Variants in BAIAP2 observed in about 807,000 individuals in gnomAD.
BAIAP2 encodes the protein BAR/IMD domain-containing adapter protein 2.
In BAIAP2, 18 loss-of-function variants were observed where a neutral mutation model predicts 63.0. The ratio of observed to expected loss-of-function variants is 0.29; its 90% confidence interval spans 0.20 to 0.42. The LOEUF (loss-of-function observed/expected upper bound fraction) is 0.42. BAIAP2 is among the 10% of genes least tolerant of loss of function. The pLI is 1.00. For missense variants in BAIAP2, 610 were observed against 734.3 expected (o/e 0.83, Z 1.96); for synonymous variants, 386 against 307.6 (o/e 1.25, Z -2.67).
Position 81,070,610 on chromosome 17 carries a change from C to G in BAIAP2, c.217+12643C>G, listed in dbSNP as rs572805857. Among the ~76,000 whole-genome samples, 4 of 152,346 alleles carry G rather than the reference C, an allele frequency of 2.6e-5. No homozygotes were observed. The South Asian group carries it at 8.3e-4, about 32-fold the overall frequency. ...CCCTGGCGTGCCTGTCCCGCTGCAG[C>G]TGTGGGAGCTGGGCTTGGCCAGGTC... On this transcript the variant is annotated intron_variant, in intron 3 of 13. Coordinates refer to ENST00000428708, the MANE Select transcript of BAIAP2 (RefSeq NM_001144888.2).
At chr17:81,058,471 CAG>C (rs1243672116) in intron 3 of BAIAP2, among the ~76,000 whole-genome samples, 1 of 152,232 alleles carries the variant, frequency 6.6e-6, no homozygotes, top group Non-Finnish European at 1.5e-5. Context: ...TCAAGGGACA[CAG>C]GGTGAAACCT....
chr17:81,078,961 C>G (rs757551464), intron 3 of BAIAP2, among the ~76,000 whole-genome samples: 17 of 152,000 alleles, frequency 1.1e-4, no homozygotes, highest in Middle Eastern at 3.2e-3. Context: ...GGGGTAAGAC[C>G]TGGGGGGAGT....
chr17:81,074,646 G>A (rs1041075448), intron 3 of BAIAP2, among the ~76,000 whole-genome samples: 1 of 148,076 alleles, frequency 6.8e-6, no homozygotes, highest in Admixed American at 6.7e-5. Flanking sequence ...GATGCGTTGA[G>A]TGCCTCTGTG....
chr17:81,058,047 G>C (rs976651243), intron 3 of BAIAP2, 80 bp downstream of exon 3: 2 of 1,159,486 alleles, frequency 1.7e-6, no homozygotes, highest in Non-Finnish European at 2.4e-6. Flanking sequence ...GTGTCCAGCC[G>C]CTTTTTGATT....
chr17:81,113,748 A>G (rs1323898938), intron 13 of BAIAP2, among the ~76,000 whole-genome samples: 1 of 152,178 alleles, frequency 6.6e-6, no homozygotes, highest in Non-Finnish European at 1.5e-5. Context: ...GGAGACAAGA[A>G]GAGAAAAATG....
In BAIAP2 at chr17:81,106,385, A is replaced by G. The variant is rs34765353; in HGVS notation, c.1337+239A>G. 7.6e-3 allele frequency among the ~76,000 whole-genome samples: 1,157 copies of G among 152,262 alleles called. 2 individuals are homozygous for G. The highest frequency in any genetic ancestry group is 0.014 in the Middle Eastern group (4 of 294). ...GACACCAGAGCAGGCAGCAGGTGCT[A>G]TGGGGGCAGCTCCTGGGGGCCAGGT... On this transcript the variant is annotated intron_variant, in intron 11 of 13. Transcript: ENST00000428708.
intron 3 of BAIAP2, among the ~76,000 whole-genome samples, chr17:81,072,380 G>A (rs2052844590): frequency 1.3e-5 from 2 of 152,246 alleles, no homozygotes; most frequent in South Asian, 2.1e-4. Flanking sequence ...GTGTCCCTAT[G>A]TCCATGCCTT....
intron 6 of BAIAP2, among the ~76,000 whole-genome samples, chr17:81,091,787 C>G (rs1193241742): frequency 6.6e-6 from 1 of 152,230 alleles, no homozygotes; most frequent in African/African-American, 2.4e-5. Flanking sequence ...GCAGATGCCT[C>G]CCTGCGGTTC....
Position 81,057,981 on chromosome 17 carries a change from C to CCCG in BAIAP2, c.217+16_217+17insGCC. The CCCG allele has an allele frequency of 1.7e-6, 2 of 1,188,098 alleles. No individual in the cohort carries two copies. The highest frequency in any genetic ancestry group is 2.0e-5 in the African/African-American group (1 of 49,388). 73.6% of individuals were successfully genotyped at this position (1,188,098 alleles called of 1,614,324 possible). A position where few individuals can be genotyped will look rare whatever the true frequency, so the allele number is the denominator to read the frequency against. On this transcript the variant is annotated intron_variant, in intron 3 of 13. Transcript: ENST00000428708. ...CCAAAGAACTCGGTGAGACCCCCCC[C>CCCG]CCCCCCCCGCCTGGTAGTCGCCTGA...
chr17:81,109,185 GC>G (rs542277540), intron 13 of BAIAP2: 5 of 1,405,888 alleles, frequency 3.6e-6, no homozygotes, highest in East Asian at 2.7e-5. Context: ...TGCTCCATCC[GC>G]CCCCCCTCCC....
At chr17:81,101,092 C>A (rs1190829244) in intron 7 of BAIAP2, among the ~76,000 whole-genome samples, 1 of 151,894 alleles carries the variant, frequency 6.6e-6, no homozygotes, top group Non-Finnish European at 1.5e-5. Context: ...AGGTGTCCCC[C>A]GGCACAGTCC....
chr17:81,059,201 G>A (rs946063037), intron 3 of BAIAP2, among the ~76,000 whole-genome samples: 1 of 152,258 alleles, frequency 6.6e-6, no homozygotes, highest in African/African-American at 2.4e-5. Flanking sequence ...GTGATGCCCG[G>A]GCGGCTGGAG....
At position 81,116,499 on chromosome 17, in the gene BAIAP2, A is replaced by C; in HGVS notation, c.*660A>C. 1.4e-6 allele frequency: 1 copy of C among 715,408 alleles called. No homozygotes were observed. The highest frequency in any genetic ancestry group is 2.2e-6 in the Non-Finnish European group (1 of 446,140). The allele number at this position is 715,408 out of a possible 1,614,324, so 44.3% of individuals were successfully genotyped here. ...CCTCCTTACCCAACCTCCCATCCAGAACCTTGCTGCCAGGGCCTCCCAGCT... is the reference window on the plus strand; with the variant it reads ...CCTCCTTACCCAACCTCCCATCCAGCACCTTGCTGCCAGGGCCTCCCAGCT... On this transcript the variant is annotated 3_prime_UTR_variant, in exon 14 of 14. Transcript: ENST00000428708.
chr17:81,042,701 A>G (rs2047254104), intron 1 of BAIAP2, among the ~76,000 whole-genome samples: 1 of 151,804 alleles, frequency 6.6e-6, no homozygotes, highest in South Asian at 2.1e-4. Context: ...AAACAGCGAC[A>G]TCTTGACATT....
intron 7 of BAIAP2, 43 bp downstream of exon 7, chr17:81,100,123 C>A (rs1382345064): frequency 6.4e-7 from 1 of 1,574,280 alleles, no homozygotes. Context: ...CTGGGCCTTG[C>A]TGGCAGAAAT....
intron 1 of BAIAP2, chr17:81,053,318 G>A (rs542390805): frequency 5.8e-5 from 15 of 259,432 alleles, no homozygotes; most frequent in African/African-American, 1.6e-4. Context: ...TGACTCAGCC[G>A]CGCCAATGGG....
chr17:81,065,801 C>T (rs2051356579), intron 3 of BAIAP2, among the ~76,000 whole-genome samples: 1 of 152,244 alleles, frequency 6.6e-6, no homozygotes, highest in African/African-American at 2.4e-5. Flanking sequence ...GGCTCTAGCA[C>T]TGTGTGCCAG....
intron 10 of BAIAP2, 134 bp downstream of exon 10, chr17:81,104,849 T>A: frequency 1.0e-6 from 1 of 974,596 alleles, no homozygotes; most frequent in Non-Finnish European, 1.5e-6. Flanking sequence ...GTAGAAGACC[T>A]GGGCAGTGAG....
chr17:81,061,521 A>G (rs2144483865), intron 3 of BAIAP2, among the ~76,000 whole-genome samples: 1 of 152,300 alleles, frequency 6.6e-6, no homozygotes, highest in South Asian at 2.1e-4. Context: ...ATGGAACCAT[A>G]CGGCGTGTCT....
Sources: allele counts gnomAD v4.1 joint callset (sites outside exome capture counted in the v4.1 genomes callset), GRCh38; gene constraint gnomAD v4.1.1; transcripts MANE v1.5; gene names NCBI Gene and HGNC (gene_info 2026-07-23, HGNC 2026-07-21).